The following ACSL1 variants were observed in gnomAD, a reference collection of about 807,000 sequenced individuals.
The protein encoded by ACSL1 is long-chain-fatty-acid--CoA ligase 1.
ACSL1 carries 41 observed loss-of-function variants against 98.4 expected under a neutral mutation model. The observed-to-expected ratio is 0.42, with a 90% CI of 0.32 to 0.54. The LOEUF is 0.54. ACSL1 is among the 20% of genes least tolerant of loss of function. The pLI is 0.13. For missense variants in ACSL1, 734 were observed against 883.1 expected (o/e 0.83, Z 2.14); for synonymous variants, 316 against 322.7 (o/e 0.98, Z 0.22).
intron 1 of ACSL1, among the ~76,000 whole-genome samples, chr4:184,815,751 C>A (rs896923901): frequency 5.9e-5 from 9 of 152,148 alleles, no homozygotes; most frequent in Non-Finnish European, 1.3e-4. Flanking sequence ...GAAGATCAGC[C>A]TCTCACGAGT....
intron 5 of ACSL1, 121 bp from the exon 6 acceptor site, chr4:184,777,104 G>T: frequency 2.4e-6 from 2 of 817,414 alleles, no homozygotes; most frequent in Non-Finnish European, 4.0e-6. Context: ...TAACATCTGT[G>T]TTAGCTACTA....
chr4:184,817,754 A>ACG (rs1179976580), intron 1 of ACSL1, among the ~76,000 whole-genome samples: 1 of 152,156 alleles, frequency 6.6e-6, no homozygotes, highest in Non-Finnish European at 1.5e-5. Context: ...AGAGAGCAGG[A>ACG]CGCTACTGGT....
chr4:184,770,262 A>T, intron 11 of ACSL1, 137 bp downstream of exon 11: 3 of 1,543,008 alleles, frequency 1.9e-6, no homozygotes, highest in Non-Finnish European at 2.6e-6. Flanking sequence ...TACCTTCAAT[A>T]ACTGTTCATA....
chr4:184,791,998 C>A (rs1768457879), intron 2 of ACSL1, among the ~76,000 whole-genome samples: 1 of 152,152 alleles, frequency 6.6e-6, no homozygotes, highest in Non-Finnish European at 1.5e-5. Context: ...AGAACCACTG[C>A]TCTGGAGGAC....
chr4:184,791,573 C>T (rs1054045656), intron 2 of ACSL1, among the ~76,000 whole-genome samples: 1 of 152,166 alleles, frequency 6.6e-6, no homozygotes, highest in Non-Finnish European at 1.5e-5. Flanking sequence ...GAAGCACCTT[C>T]CTAGGGACAG....
In ACSL1 at chr4:184,757,391, T is replaced by C; in HGVS notation, c.1957-126A>G. 7.9e-7 allele frequency: 1 copy of C among 1,259,282 alleles called. No individual in the cohort carries two copies. The highest frequency in any genetic ancestry group is 1.1e-6 in the Non-Finnish European group (1 of 922,232). The allele number at this position is 1,259,282 out of a possible 1,614,324, so 78.0% of individuals were successfully genotyped here. A position where few individuals can be genotyped will look rare whatever the true frequency, so the allele number is the denominator to read the frequency against. ...ATCCATCCTCTCATTTCAGCCAAGC[T>C]GCACCTTCTCAACAAAGGACAGGCA... On this transcript the variant is annotated intron_variant, in intron 20 of 20. Transcript: ENST00000281455. The surrounding 1 kb of genome is among the most constrained non-coding windows in gnomAD (Gnocchi z 4.5).
At chr4:184,761,394 C>T (rs1320096005) in intron 17 of ACSL1, among the ~76,000 whole-genome samples, 3 of 152,186 alleles carry the variant, frequency 2.0e-5, no homozygotes, top group South Asian at 4.1e-4. Flanking sequence ...CTAAAATCTA[C>T]AAGAATCTGC....
Position 184,773,531 on chromosome 4 carries a change from A to C in ACSL1, c.841+132T>G. On this transcript the variant is annotated intron_variant, in intron 9 of 20. Coordinates refer to ENST00000281455, the MANE Select transcript of ACSL1 (RefSeq NM_001995.5). The surrounding 1 kb of genome is among the most constrained non-coding windows in gnomAD (Gnocchi z 4.3). ...AGATCTTACAGAGCAACAAGAAGAC[A>C]GCACTTGAACCGCTTCCTTCTCTTC... 1.2e-6 allele frequency: 1 copy of C among 801,656 alleles called. No individual in the cohort carries two copies. Among genetic ancestry groups the C allele is most frequent in the Non-Finnish European group, 2.0e-6 (1 of 502,624 alleles). The allele number at this position is 801,656 out of a possible 1,614,324, so 49.7% of individuals were successfully genotyped here.
At chr4:184,797,813 C>T (rs1305944271) in intron 2 of ACSL1, among the ~76,000 whole-genome samples, 2 of 152,194 alleles carry the variant, frequency 1.3e-5, no homozygotes, top group East Asian at 1.9e-4. Context: ...GCCTTCTCTG[C>T]CCTGGTACTG....
intron 1 of ACSL1, among the ~76,000 whole-genome samples, chr4:184,818,407 C>T (rs190992075): frequency 6.6e-6 from 1 of 152,200 alleles, no homozygotes; most frequent in Admixed American, 6.5e-5. Flanking sequence ...CTCAGATGTA[C>T]TCCGAAACAC....
At chr4:184,786,994 T>C (rs1013227105) in intron 3 of ACSL1, among the ~76,000 whole-genome samples, 4 of 152,184 alleles carry the variant, frequency 2.6e-5, no homozygotes, top group Non-Finnish European at 5.9e-5. Flanking sequence ...GCCCGGCCAA[T>C]AGGCACTTCT....
At chr4:184,819,467 TC>T (rs1411820898) in intron 1 of ACSL1, among the ~76,000 whole-genome samples, 13 of 152,136 alleles carry the variant, frequency 8.5e-5, no homozygotes, top group Admixed American at 7.9e-4. Flanking sequence ...ACAAACTTTA[TC>T]CCAGCAAAAG....
chr4:184,809,938 A>T (rs1451163636), intron 1 of ACSL1, among the ~76,000 whole-genome samples: 1 of 152,234 alleles, frequency 6.6e-6, no homozygotes, highest in Non-Finnish European at 1.5e-5. Flanking sequence ...TGTGGCATAC[A>T]TTCACATTTT....
At chr4:184,788,103 G>C (rs1767714936) in intron 3 of ACSL1, among the ~76,000 whole-genome samples, 1 of 152,198 alleles carries the variant, frequency 6.6e-6, no homozygotes, top group African/African-American at 2.4e-5. Context: ...CCCTATACAG[G>C]AGGCCTGGGA....
chr4:184,781,745 G>A (rs984630553), intron 4 of ACSL1, among the ~76,000 whole-genome samples: 46 of 152,124 alleles, frequency 3.0e-4, no homozygotes, highest in Non-Finnish European at 3.7e-4. Flanking sequence ...GAATAGCTGG[G>A]ATTACAGGCA....
In ACSL1 at chr4:184,757,577, A is replaced by T; in HGVS notation, c.1956+58T>A. 6.6e-7 allele frequency: 1 copy of T among 1,525,072 alleles called. No homozygotes were observed. The highest frequency in any genetic ancestry group is 9.0e-7 in the Non-Finnish European group (1 of 1,115,080). 94.5% of individuals were successfully genotyped at this position (1,525,072 alleles called of 1,614,324 possible). A position where few individuals can be genotyped will look rare whatever the true frequency, so the allele number is the denominator to read the frequency against. The stretch of plus-strand genomic sequence containing the variant: ...TATGTTTATATAATCTACCTGTAAA[A>T]AAATCTTAATGGAAAATTTGTTTTA... On this transcript the variant is annotated intron_variant, in intron 20 of 20. Transcript: ENST00000281455. This position sits in a 1 kb window ranked among gnomAD's most constrained non-coding sequence, Gnocchi z 4.5.
At chr4:184,778,073 A>C (rs945328658) in intron 5 of ACSL1, among the ~76,000 whole-genome samples, 1 of 152,220 alleles carries the variant, frequency 6.6e-6, no homozygotes, top group African/African-American at 2.4e-5. Context: ...AAGTGAGACA[A>C]TAACTGGCCA....
chr4:184,780,204 C>G, intron 5 of ACSL1, 128 bp downstream of exon 5: 1 of 816,234 alleles, frequency 1.2e-6, no homozygotes, highest in Middle Eastern at 3.5e-4. Flanking sequence ...GTGTAACTTT[C>G]TAAGGTGTAA....
chr4:184,773,111 G>A lies in ACSL1; in HGVS notation c.885C>T (p.Ser295=), dbSNP rs943916379. The A allele has an allele frequency of 1.2e-6, 2 of 1,613,780 alleles. No individual in the cohort carries two copies. The highest frequency in any genetic ancestry group is 8.5e-7 in the Non-Finnish European group (1 of 1,179,846). The part of the protein sequence containing the change: ...GAMVTHRNIV[S]DCSAFVKATE... ...TTGCTTTCACAAAAGCTGAACAATCGCTCACTATGTTTCGGTGAGTGACCA... is the reference window on the plus strand; with the variant it reads ...TTGCTTTCACAAAAGCTGAACAATCACTCACTATGTTTCGGTGAGTGACCA... Residue 295 remains serine (S), a synonymous_variant, in exon 10 of 21, where the codon AGC becomes AGT. Coordinates refer to ENST00000281455, the MANE Select transcript of ACSL1 (RefSeq NM_001995.5). This position sits in a 1 kb window ranked among gnomAD's most constrained non-coding sequence, Gnocchi z 4.3.
Sources: gnomAD v4.1 joint callset for allele counts (sites outside exome capture counted in the v4.1 genomes callset) on GRCh38, gnomAD v4.1.1 for gene constraint, Gnocchi (gnomAD v3.1) non-coding constraint, MANE v1.5 for transcripts, NCBI Gene and HGNC (gene_info 2026-07-23, HGNC 2026-07-21) for gene names.